Variants in FHOD3 observed in about 807,000 individuals in gnomAD.
FHOD3 encodes FH1/FH2 domain-containing protein 3.
FHOD3 carries 90 observed loss-of-function variants against 173.0 expected under a neutral mutation model. The ratio of observed to expected loss-of-function variants is 0.52; its 90% CI spans 0.44 to 0.62. The LOEUF (loss-of-function observed/expected upper bound fraction) is 0.62, where lower values mean the gene tolerates loss of function less well. Ranked by LOEUF, FHOD3 falls within the 20% of genes least tolerant of loss-of-function variation. The pLI, the probability that FHOD3 is intolerant of heterozygous loss-of-function variation, is 0.00. For synonymous variants in FHOD3, 828 were observed against 823.0 expected (o/e 1.01, Z -0.10); for missense variants, 1,945 against 2,034.7 (o/e 0.96, Z 0.85).
chr18:36,697,414 A>G (rs2039345732), intron 17 of FHOD3, among the ~76,000 whole-genome samples: 1 of 152,216 alleles, frequency 6.6e-6, no homozygotes, highest in South Asian at 2.1e-4. Context: ...GCTTTCACCC[A>G]CTAACCTAGC....
chr18:36,328,604 G>A (rs1183865294), intron 1 of FHOD3, among the ~76,000 whole-genome samples: 1 of 152,128 alleles, frequency 6.6e-6, no homozygotes, highest in Non-Finnish European at 1.5e-5. Context: ...GATCCCTCTG[G>A]CTGTTGGGTG....
chr18:36,560,673 G>T (rs1419683344), intron 5 of FHOD3, among the ~76,000 whole-genome samples: 1 of 152,172 alleles, frequency 6.6e-6, no homozygotes, highest in East Asian at 1.9e-4. Context: ...CTTTAGAAAA[G>T]CTAAGAGAGT....
intron 3 of FHOD3, among the ~76,000 whole-genome samples, chr18:36,395,862 C>G (rs923473761): frequency 2.0e-5 from 3 of 152,156 alleles, no homozygotes; most frequent in African/African-American, 7.2e-5. Context: ...GTTTCAACTT[C>G]TAAGAGGTAA....
intron 3 of FHOD3, among the ~76,000 whole-genome samples, chr18:36,493,850 A>G (rs1026569011): frequency 3.9e-5 from 6 of 152,234 alleles, no homozygotes; most frequent in Non-Finnish European, 5.9e-5. Context: ...TTCCCTGAGC[A>G]GAGGAGAGGC....
At chr18:36,564,345 T>C (rs909294985) in intron 5 of FHOD3, among the ~76,000 whole-genome samples, 2 of 152,200 alleles carry the variant, frequency 1.3e-5, no homozygotes, top group Non-Finnish European at 2.9e-5. Flanking sequence ...CAAAACTTGC[T>C]AATCTGTTAT....
chr18:36,756,128 A>T (rs1184789736), intron 25 of FHOD3, among the ~76,000 whole-genome samples: 1 of 152,194 alleles, frequency 6.6e-6, no homozygotes, highest in Non-Finnish European at 1.5e-5. Context: ...GCCTTTACGA[A>T]ACATAAAAAC....
At chr18:36,332,223 A>G (rs1373138811) in intron 1 of FHOD3, among the ~76,000 whole-genome samples, 1 of 152,248 alleles carries the variant, frequency 6.6e-6, no homozygotes, top group Non-Finnish European at 1.5e-5. Flanking sequence ...GCTAACTGGC[A>G]TACCTGGTTT....
At chr18:36,546,594 AG>A (rs963869796) in intron 5 of FHOD3, among the ~76,000 whole-genome samples, 35 of 152,100 alleles carry the variant, frequency 2.3e-4, no homozygotes, top group African/African-American at 8.5e-4. Context: ...CCAGGAAGGG[AG>A]GGTGTCAGGC....
chr18:36,425,822 T>C (rs2050211406), intron 3 of FHOD3, among the ~76,000 whole-genome samples: 2 of 152,162 alleles, frequency 1.3e-5, no homozygotes, highest in African/African-American at 4.8e-5. Context: ...TAGATATATA[T>C]GTGTACATAG....
intron 1 of FHOD3, among the ~76,000 whole-genome samples, chr18:36,322,721 T>G (rs62084122): frequency 0.025 from 3,853 of 152,280 alleles, 77 homozygotes; most frequent in South Asian, 0.066. Flanking sequence ...TCCAGTCTTG[T>G]CCCTACCTGC....
At chr18:36,617,497 A>T (rs2148688472) in intron 9 of FHOD3, among the ~76,000 whole-genome samples, 1 of 152,106 alleles carries the variant, frequency 6.6e-6, no homozygotes, top group East Asian at 1.9e-4. Context: ...CAATTTATTT[A>T]TCTGCTCTGC....
At chr18:36,325,640 G>C (rs2044632442) in intron 1 of FHOD3, among the ~76,000 whole-genome samples, 1 of 152,116 alleles carries the variant, frequency 6.6e-6, no homozygotes, top group Non-Finnish European at 1.5e-5. Context: ...CGGTGGGCAG[G>C]GTGCTGTGGG....
chr18:36,762,764 C>G (rs2042934842), intron 27 of FHOD3, among the ~76,000 whole-genome samples: 2 of 150,148 alleles, frequency 1.3e-5, no homozygotes, highest in South Asian at 4.2e-4. Flanking sequence ...CCATTGCACT[C>G]AAGCCTGGGC....
intron 3 of FHOD3, among the ~76,000 whole-genome samples, chr18:36,403,003 G>A (rs2048896867): frequency 6.6e-6 from 1 of 152,258 alleles, no homozygotes; most frequent in Non-Finnish European, 1.5e-5. Context: ...ACGTTGCTAA[G>A]TCATGACAAT....
chr18:36,471,907 G>A (rs1441839253), intron 3 of FHOD3, among the ~76,000 whole-genome samples: 3 of 152,054 alleles, frequency 2.0e-5, no homozygotes, highest in Non-Finnish European at 4.4e-5. Context: ...GTGTTTGTGG[G>A]CAATGACAAA....
At chr18:36,773,280 G>C (rs1442051192) in intron 28 of FHOD3, among the ~76,000 whole-genome samples, 1 of 152,198 alleles carries the variant, frequency 6.6e-6, no homozygotes, top group Non-Finnish European at 1.5e-5. Context: ...GTCCGCCTGA[G>C]TGCCAGGTTC....
chr18:36,624,008 A>G (rs939415659), intron 9 of FHOD3, among the ~76,000 whole-genome samples: 2 of 152,234 alleles, frequency 1.3e-5, no homozygotes, highest in African/African-American at 4.8e-5. Context: ...TATATTCTCC[A>G]TTCTCTCACA....
chr18:36,536,735 G>T (rs2057010204), intron 5 of FHOD3, among the ~76,000 whole-genome samples: 1 of 152,096 alleles, frequency 6.6e-6, no homozygotes, highest in Admixed American at 6.5e-5. Flanking sequence ...TGCTTTTTTT[G>T]CTGCATGGAG....
Position 36,740,760 on chromosome 18 carries a change from C to T in FHOD3, c.3681C>T (p.Leu1227=). ...IPLGSAEQFL[L]TLSSISELSA... ...TGGGCAGTGCAGAGCAGTTCCTCCT[C>T]ACCCTGTCCTCCATCAGCGAGCTCT... Residue 1227 remains leucine, a synonymous_variant, in exon 21 of 29, where the codon CTC becomes CTT. Coordinates refer to ENST00000590592, the MANE Select transcript of FHOD3 (RefSeq NM_001281740.3). The T allele has an allele frequency of 1.2e-6, 2 of 1,614,132 alleles. No individual in the cohort carries two copies. The highest frequency in any genetic ancestry group is 1.7e-6 in the Non-Finnish European group (2 of 1,180,022).
Sources: allele counts gnomAD v4.1 joint callset (sites outside exome capture counted in the v4.1 genomes callset), GRCh38; gene constraint gnomAD v4.1.1; transcripts MANE v1.5; gene names NCBI Gene and HGNC (gene_info 2026-07-23, HGNC 2026-07-21).